MSN: variants seen among roughly 807,000 people sequenced by gnomAD.
MSN encodes moesin, also known as epididymis luminal protein 70.
A neutral mutation model predicts 48.0 loss-of-function variants in MSN; 2 were observed. The observed-to-expected ratio is 0.04, with a 90% CI of 0.02 to 0.13. The LOEUF is 0.13. MSN is among the 10% of genes least tolerant of loss of function. MSN has a pLI of 1.00. For synonymous variants in MSN, 146 were observed against 166.9 expected (o/e 0.87, Z 0.97); for missense variants, 267 against 470.1 (o/e 0.57, Z 3.99).
At chrX:65,737,038 C>A (rs936812904) in intron 9 of MSN, 113 bp downstream of exon 9, 1 of 1,130,114 alleles carries the variant, frequency 8.8e-7, no homozygotes, top group African/African-American at 1.8e-5. Flanking sequence ...TGGCTACAGA[C>A]TAGAAGAAGA....
At chrX:65,690,507 G>A (rs961570848) in intron 1 of MSN, among the ~76,000 whole-genome samples, 3 of 111,869 alleles carry the variant, frequency 2.7e-5, no homozygotes, top group Admixed American at 1.9e-4. Context: ...CCGTCTGGGC[G>A]TGAGCAGACC....
At chrX:65,618,480 T>G (rs905413648) in intron 1 of MSN, among the ~76,000 whole-genome samples, 1 of 111,431 alleles carries the variant, frequency 9.0e-6, no homozygotes, top group Admixed American at 9.6e-5. Context: ...TTTGTCTCTT[T>G]TGATCTTTGT....
At chrX:65,640,729 G>A (rs764217253) in intron 1 of MSN, among the ~76,000 whole-genome samples, 4 of 111,621 alleles carry the variant, frequency 3.6e-5, no homozygotes, top group Non-Finnish European at 7.5e-5. Context: ...GGTAGCAGAT[G>A]GTGAGTTCTG....
intron 1 of MSN, among the ~76,000 whole-genome samples, chrX:65,656,707 G>A (rs781738376): frequency 3.6e-5 from 4 of 111,730 alleles, no homozygotes; most frequent in East Asian, 5.6e-4. Flanking sequence ...CAGGCACTGC[G>A]GGGCTGAGGG....
chrX:65,602,002 A>G (rs1174441646), intron 1 of MSN, among the ~76,000 whole-genome samples: 1 of 111,790 alleles, frequency 8.9e-6, no homozygotes, highest in East Asian at 2.8e-4. Context: ...GTAGGGAAGC[A>G]AGACAGTTAG....
intron 2 of MSN, among the ~76,000 whole-genome samples, chrX:65,720,627 C>T (rs775007717): frequency 5.4e-5 from 6 of 111,814 alleles, no homozygotes; most frequent in Admixed American, 1.9e-4. Context: ...GCTCTTGGGA[C>T]CCATCATTCA....
At chrX:65,661,121 G>A (rs2070820439) in intron 1 of MSN, among the ~76,000 whole-genome samples, 1 of 109,902 alleles carries the variant, frequency 9.1e-6, no homozygotes, top group African/African-American at 3.3e-5. Flanking sequence ...CTGCCATCAT[G>A]CCTGGCTAAT....
At position 65,740,386 on chromosome X, in the gene MSN, C is replaced by T. The variant is rs1323777955; in HGVS notation, c.*493C>T. The T allele has an allele frequency of 5.7e-6, 1 of 174,762 alleles. No homozygotes were observed. The highest frequency in any genetic ancestry group is 8.2e-5 in the East Asian group (1 of 12,267). The allele number at this position is 174,762 out of a possible 1,213,427, so 14.4% of individuals were successfully genotyped here. On this transcript the variant is annotated 3_prime_UTR_variant, in exon 13 of 13. Coordinates refer to ENST00000360270, the MANE Select transcript of MSN (RefSeq NM_002444.3). ...GGATGTCAACTGACCTAAAATTTGCCCTCCCATCCCGTTTAGAGTTATTTA... is the reference window on the plus strand; with the variant it reads ...GGATGTCAACTGACCTAAAATTTGCTCTCCCATCCCGTTTAGAGTTATTTA...
intron 2 of MSN, among the ~76,000 whole-genome samples, chrX:65,723,385 C>G (rs759058252): frequency 2.5e-4 from 28 of 111,566 alleles, no homozygotes; most frequent in Non-Finnish European, 4.1e-4. Flanking sequence ...TACCACACCC[C>G]CTATGTCCCT....
intron 1 of MSN, among the ~76,000 whole-genome samples, chrX:65,653,914 C>T (rs1181082420): frequency 9.2e-6 from 1 of 108,816 alleles, no homozygotes; most frequent in Non-Finnish European, 1.9e-5. Flanking sequence ...GCTGGGATTA[C>T]AGACGCCTGC....
chrX:65,637,405 GAAAA>G (rs1206835966), intron 1 of MSN, among the ~76,000 whole-genome samples: 1 of 45,243 alleles, frequency 2.2e-5, no homozygotes, highest in Non-Finnish European at 4.6e-5. Context: ...TCCATCTTAA[GAAAA>G]AAAAAAAAAA....
intron 12 of MSN, among the ~76,000 whole-genome samples, 161 bp from the exon 13 acceptor site, chrX:65,739,568 C>A (rs2071714994): frequency 9.0e-6 from 1 of 111,145 alleles, no homozygotes; most frequent in Admixed American, 9.5e-5. Flanking sequence ...TCTTGCCCCA[C>A]TGCAGTTCTA....
intron 1 of MSN, among the ~76,000 whole-genome samples, chrX:65,686,157 G>A (rs1320504579): frequency 8.9e-6 from 1 of 112,890 alleles, no homozygotes; most frequent in Admixed American, 9.3e-5. Flanking sequence ...AAAAATTCTA[G>A]CCTAGTGGTC....
upstream of MSN, among the ~76,000 whole-genome samples, chrX:65,667,088 T>A (rs1024058280): frequency 1.5e-4 from 17 of 110,933 alleles, no homozygotes; most frequent in African/African-American, 5.6e-4. Context: ...GGATGAAGTG[T>A]TTTAAGAGGT....
Position 65,737,357 on chromosome X carries a change from C to T in MSN, c.1251+19C>T. 1.7e-6 allele frequency: 2 copies of T among 1,197,415 alleles called. No homozygotes were observed. The highest frequency in any genetic ancestry group is 2.3e-6 in the Non-Finnish European group (2 of 888,679). ...ACAGCTGGTAAAGCTGTAGGGTGGG[C>T]TGGGATTATGGGAACTGAACTTTCT... On this transcript the variant is annotated intron_variant, in intron 10 of 12. Transcript: ENST00000360270.
chrX:65,620,651 G>A (rs1017549466), intron 1 of MSN, among the ~76,000 whole-genome samples: 2 of 112,521 alleles, frequency 1.8e-5, no homozygotes, highest in Non-Finnish European at 3.8e-5. Flanking sequence ...AGATGGAAAT[G>A]CAGAAATCAC....
Position 65,737,711 on chromosome X carries a change from A to T in MSN, c.1251+373A>T, listed in dbSNP as rs368589429. On this transcript the variant is annotated intron_variant, in intron 10 of 12. Transcript: ENST00000360270. ...TTCTTCTTCCCAGTAACCCTATGGGATTAACCTCATATGAGATAATATCCC... is the reference window on the plus strand; with the variant it reads ...TTCTTCTTCCCAGTAACCCTATGGGTTTAACCTCATATGAGATAATATCCC... Among the ~76,000 whole-genome samples, 43 of 112,351 alleles carry T rather than the reference A, an allele frequency of 3.8e-4. No homozygotes were observed. In the East Asian group the frequency reaches 0.011, roughly 29 times the overall value.
intron 1 of MSN, among the ~76,000 whole-genome samples, chrX:65,591,355 A>G (rs1245546531): frequency 1.8e-5 from 2 of 111,760 alleles, no homozygotes; most frequent in Non-Finnish European, 3.8e-5. Context: ...GGAGATGTCT[A>G]TCCCCTGTCT....
intron 1 of MSN, among the ~76,000 whole-genome samples, chrX:65,626,197 A>G (rs1256051406): frequency 9.0e-6 from 1 of 110,899 alleles, no homozygotes; most frequent in African/African-American, 3.3e-5. Flanking sequence ...ATTGTGATCC[A>G]CCCGCCGTGG....
Sources: allele counts gnomAD v4.1 joint callset (sites outside exome capture counted in the v4.1 genomes callset), GRCh38; gene constraint gnomAD v4.1.1; transcripts MANE v1.5; gene names NCBI Gene and HGNC (gene_info 2026-07-23, HGNC 2026-07-21).